ANK3: variants seen among roughly 807,000 people sequenced by gnomAD.
ANK3 encodes ankyrin 3.
Under a neutral mutation model 370.9 loss-of-function variants are expected in ANK3, and 57 were observed. The observed-to-expected ratio is 0.15, with a 90% CI of 0.12 to 0.19. ANK3 has a LOEUF of 0.19. ANK3 is among the 10% of genes least tolerant of loss of function. ANK3 has a pLI of 1.00. For synonymous variants in ANK3, 1,929 were observed against 1,946.3 expected, an observed-to-expected ratio of 0.99 and a Z score of 0.23; for missense variants, 4,439 against 5,302.1, an observed-to-expected ratio of 0.84 and a Z score of 5.06.
intron 1 of ANK3, among the ~76,000 whole-genome samples, chr10:60,321,061 G>A (rs1246565231): frequency 2.6e-5 from 4 of 152,128 alleles, no homozygotes; most frequent in African/African-American, 9.7e-5. Context: ...CATTAAAAGT[G>A]GAAGGTGTTA....
At position 60,070,860 on chromosome 10, in the gene ANK3, C is replaced by T. The variant is rs765213109; in HGVS notation, c.10021G>A (p.Asp3341Asn). 8 of 1,614,038 alleles carry T rather than the reference C, an allele frequency of 5.0e-6. No homozygotes were observed. Among genetic ancestry groups the T allele is most frequent in the South Asian group, 2.2e-5 (2 of 91,068 alleles). The change falls in exon 37 of 44, where the codon GAT (aspartate) becomes AAT (asparagine). Residue 3341 changes from aspartate (D) to asparagine (N), a missense_variant. Physicochemically the swap from Asp to Asn is conservative, Grantham distance 23. Around this residue, in one of 13 missense-constraint regions of ANK3, gnomAD observed 1,601 missense variants for 1,731.7 expected, o/e 0.92. Transcript: ENST00000280772. This position sits in a 1 kb window ranked among gnomAD's most constrained non-coding sequence, Gnocchi z 5.7. ...GCTTTGGGTTTTTCTTTTTGTTCAT[C>T]GTCCACTTCCTTTAATTTGAAGGTA... is the stretch of plus-strand genomic sequence containing the variant. The part of the protein sequence containing the change: ...KYTFKLKEVD[D>N]EQKEKPKASA...
chr10:60,714,818 G>C (rs927021958), intron 1 of ANK3, among the ~76,000 whole-genome samples: 1 of 152,126 alleles, frequency 6.6e-6, no homozygotes, highest in East Asian at 1.9e-4. Context: ...GGTTGCCAGG[G>C]GTTCATGGGC....
chr10:60,607,027 C>T (rs551626737), intron 2 of ANK3, among the ~76,000 whole-genome samples: 2 of 152,136 alleles, frequency 1.3e-5, no homozygotes, highest in African/African-American at 2.4e-5. Flanking sequence ...GGGCTTAAAC[C>T]TTCCTTTGAA....
intron 7 of ANK3, among the ~76,000 whole-genome samples, chr10:60,245,380 T>A (rs1800010986): frequency 6.6e-6 from 1 of 152,146 alleles, no homozygotes; most frequent in African/African-American, 2.4e-5. Context: ...CATTTTAAAG[T>A]GTACAATTCA....
At chr10:60,378,644 T>C (rs560175586) in intron 1 of ANK3, among the ~76,000 whole-genome samples, 128 of 152,218 alleles carry the variant, frequency 8.4e-4, no homozygotes, top group African/African-American at 3.0e-3. Flanking sequence ...TACATCCATA[T>C]GCAAAAGAAT....
chr10:60,066,719 C>T (rs2081721263), intron 38 of ANK3, among the ~76,000 whole-genome samples: 1 of 151,878 alleles, frequency 6.6e-6, no homozygotes, highest in Admixed American at 6.6e-5. Context: ...ATGTATGTTG[C>T]TAATGGTATG....
At chr10:60,257,451 T>C (rs946562641) in intron 7 of ANK3, among the ~76,000 whole-genome samples, 2 of 152,220 alleles carry the variant, frequency 1.3e-5, no homozygotes, top group African/African-American at 4.8e-5. Context: ...TCATAGGCAG[T>C]AGGAAGTAGA....
At chr10:60,715,691 CTG>C (rs754035259) in intron 1 of ANK3, among the ~76,000 whole-genome samples, 2 of 152,164 alleles carry the variant, frequency 1.3e-5, no homozygotes, top group East Asian at 1.9e-4. Context: ...GTAATATTGA[CTG>C]TTGATAAAAT....
chr10:60,511,639 T>A (rs2076082574), intron 2 of ANK3, among the ~76,000 whole-genome samples: 1 of 152,134 alleles, frequency 6.6e-6, no homozygotes, highest in African/African-American at 2.4e-5. Context: ...TGACTGCAAG[T>A]GGCCTCCAGC....
At chr10:60,305,550 G>A (rs1408128331) in intron 1 of ANK3, among the ~76,000 whole-genome samples, 2 of 152,026 alleles carry the variant, frequency 1.3e-5, no homozygotes, top group South Asian at 2.1e-4. Context: ...GTTGGTTATC[G>A]TCTTTTTAAA....
intron 7 of ANK3, among the ~76,000 whole-genome samples, chr10:60,247,932 G>A (rs886742533): frequency 1.3e-5 from 2 of 152,314 alleles, no homozygotes; most frequent in East Asian, 1.9e-4. Context: ...CTCCCAAAGT[G>A]CTGGGATTAC....
intron 2 of ANK3, among the ~76,000 whole-genome samples, chr10:60,517,107 C>A (rs897106410): frequency 1.3e-5 from 2 of 152,046 alleles, no homozygotes; most frequent in African/African-American, 4.8e-5. Context: ...CTCTGTCACC[C>A]AGGCTGAAGT....
chr10:60,469,018 T>TATATATATAC (rs1487944754), intron 2 of ANK3, among the ~76,000 whole-genome samples: 1 of 67,658 alleles, frequency 1.5e-5, no homozygotes, highest in Non-Finnish European at 3.3e-5. Flanking sequence ...TATATATATA[T>TATATATATAC]ACCACTTTTA....
chr10:60,162,397 A>G (rs967406652), intron 23 of ANK3, among the ~76,000 whole-genome samples: 1 of 152,130 alleles, frequency 6.6e-6, no homozygotes, highest in Non-Finnish European at 1.5e-5. Flanking sequence ...AGACCATTCA[A>G]TGTGTATTTG....
chr10:60,531,388 C>T (rs920787665), intron 2 of ANK3, among the ~76,000 whole-genome samples: 2 of 151,828 alleles, frequency 1.3e-5, no homozygotes, highest in African/African-American at 2.4e-5. Context: ...TATACATGTG[C>T]CTTTGTAAAC....
chr10:60,156,783 T>TC (rs2095341777), intron 23 of ANK3, among the ~76,000 whole-genome samples: 1 of 152,138 alleles, frequency 6.6e-6, no homozygotes, highest in South Asian at 2.1e-4. Context: ...CAACACTCAA[T>TC]CCCTTTTGAA....
rs1239523187 is a variant in ANK3 at position 60,139,099 on chromosome 10, G to C, written c.2615-12C>G. 18 of 1,612,926 alleles carry C rather than the reference G, an allele frequency of 1.1e-5. No individual in the cohort carries two copies. The highest frequency in any genetic ancestry group is 1.5e-5 in the Non-Finnish European group (18 of 1,179,522). The stretch of plus-strand genomic sequence containing the variant: ...CATTGCATCTTCACCTGCAGATGTA[G>C]AGAGTAAGCCCACATCAAAAGCTTC... On this transcript the variant is annotated splice_polypyrimidine_tract_variant and intron_variant, in intron 23 of 43. Coordinates refer to ENST00000280772, the MANE Select transcript of ANK3 (RefSeq NM_020987.5).
At position 60,070,282 on chromosome 10, in the gene ANK3, T is replaced by G; in HGVS notation, c.10599A>C (p.Lys3533Asn). Reference sequence around the variant, plus strand: ...AATCTAGACCTTTGGTAGCTACTGTTTTAAAAGGAGTGGCAAATTCTTCAT... The same window carrying G: ...AATCTAGACCTTTGGTAGCTACTGTGTTAAAAGGAGTGGCAAATTCTTCAT... ...KVDEEFATPF[K>N]TVATKGLDFD... Residue 3533 changes from lysine (K) to asparagine (N), a missense_variant, in exon 37 of 44, where the codon AAA becomes AAC. Physicochemically the swap from Lys to Asn is moderately conservative, Grantham distance 94. This residue lies in a region of ANK3 where 1,601 missense variants were observed against 1,731.7 expected (regional missense o/e 0.92). Coordinates refer to ENST00000280772, the MANE Select transcript of ANK3 (RefSeq NM_020987.5). The surrounding 1 kb of genome is among the most constrained non-coding windows in gnomAD (Gnocchi z 5.7). 1.2e-6 allele frequency: 2 copies of G among 1,614,114 alleles called. No individual in the cohort carries two copies. Among genetic ancestry groups the G allele is most frequent in the Non-Finnish European group, 1.7e-6 (2 of 1,180,016 alleles).
intron 7 of ANK3, among the ~76,000 whole-genome samples, chr10:60,250,576 A>G (rs879574771): frequency 5.3e-5 from 8 of 152,142 alleles, no homozygotes; most frequent in Admixed American, 2.0e-4. Flanking sequence ...CATGTTAGCC[A>G]GGATGGTCTC....
Sources: gnomAD v4.1 joint callset for allele counts (sites outside exome capture counted in the v4.1 genomes callset) on GRCh38, gnomAD v4.1.1 for gene constraint, gnomAD v4.1.1 regional missense constraint, Gnocchi (gnomAD v3.1) non-coding constraint, MANE v1.5 for transcripts, NCBI Gene and HGNC (gene_info 2026-07-23, HGNC 2026-07-21) for gene names.